The following KAZN variants were observed in gnomAD, a reference collection of about 807,000 sequenced individuals.
KAZN encodes kazrin, periplakin interacting protein.
A neutral mutation model predicts 87.4 loss-of-function variants in KAZN; 40 were observed. The ratio of observed to expected loss-of-function variants is 0.46; its 90% CI spans 0.36 to 0.60. KAZN has a LOEUF of 0.60. Ranked by LOEUF, KAZN falls within the 20% of genes least tolerant of loss-of-function variation. KAZN has a pLI of 0.00. For missense variants in KAZN, 898 were observed against 1,073.9 expected, an observed-to-expected ratio of 0.84 and a Z score of 2.29; for synonymous variants, 466 against 458.3, an observed-to-expected ratio of 1.02 and a Z score of -0.22.
At chr1:14,409,777 C>G (rs755227019) in intron 2 of KAZN, among the ~76,000 whole-genome samples, 3 of 152,160 alleles carry the variant, frequency 2.0e-5, no homozygotes, top group Non-Finnish European at 2.9e-5. Context: ...GGACTAGACG[C>G]TCCCTTCAAA....
At chr1:14,417,974 C>A (rs569617147) in intron 2 of KAZN, among the ~76,000 whole-genome samples, 1 of 110,724 alleles carries the variant, frequency 9.0e-6, no homozygotes, top group African/African-American at 3.5e-5. Context: ...CCAGGCTGGG[C>A]GACAGAGTGA....
chr1:14,614,922 C>T (rs1678107695), intron 1 of KAZN, among the ~76,000 whole-genome samples: 1 of 152,210 alleles, frequency 6.6e-6, no homozygotes. Flanking sequence ...GTGAGGCGGG[C>T]AAGTTGCTTT....
intron 1 of KAZN, among the ~76,000 whole-genome samples, chr1:14,138,393 T>C (rs1054077905): frequency 2.6e-5 from 4 of 152,168 alleles, no homozygotes; most frequent in Non-Finnish European, 5.9e-5. Context: ...CTGTTCCTTC[T>C]ATGGTTCACT....
At chr1:14,930,929 C>T (rs958007479) in intron 1 of KAZN, among the ~76,000 whole-genome samples, 15 of 152,114 alleles carry the variant, frequency 9.9e-5, no homozygotes, top group Non-Finnish European at 1.0e-4. Context: ...CACCCCAGCC[C>T]GAAGCCAGAG....
intron 1 of KAZN, among the ~76,000 whole-genome samples, chr1:14,663,520 A>T (rs1639325064): frequency 6.6e-6 from 1 of 152,180 alleles, no homozygotes; most frequent in African/African-American, 2.4e-5. Context: ...CATATTTTGG[A>T]GCAGAGTTTG....
intron 2 of KAZN, among the ~76,000 whole-genome samples, chr1:14,493,000 TCTGCCTGGACA>T: frequency 5.1e-5 from 1 of 19,460 alleles, no homozygotes; most frequent in Non-Finnish European, 1.2e-4. Context: ...GGCTGTTCCC[TCTGCCTGGACA>T]TTCTTCCCTA....
chr1:14,133,946 T>C (rs1645051862), intron 1 of KAZN, among the ~76,000 whole-genome samples: 1 of 152,152 alleles, frequency 6.6e-6, no homozygotes. Flanking sequence ...GAGTGGACGT[T>C]TCATCATAGG....
intron 1 of KAZN, among the ~76,000 whole-genome samples, chr1:14,041,085 C>T (rs35642873): frequency 0.17 from 26,550 of 152,180 alleles, 2,717 homozygotes; most frequent in Non-Finnish European, 0.24. Context: ...AAGCAACCAC[C>T]GCTGAATTCT....
At chr1:14,065,482 T>C (rs1434551480) in intron 1 of KAZN, among the ~76,000 whole-genome samples, 2 of 152,186 alleles carry the variant, frequency 1.3e-5, no homozygotes, top group Non-Finnish European at 2.9e-5. Context: ...TTGAATCTTT[T>C]GTTTTTCTTT....
chr1:14,960,839 G>T lies in KAZN; in HGVS notation c.382G>T (p.Glu128Ter). ...GCTCAGGGTCCAGCTGGCCCAGAAG[G>T]AGCAGGAGCTAGCCAGAGCCAAAGA... The part of the protein sequence containing the change: ...TELRVQLAQK[E>*]QELARAKEAL... The change falls in exon 2 of 15, where the codon GAG becomes TAG. Residue 128 changes from glutamate to a stop codon, truncating the protein, a stop_gained. Coordinates refer to ENST00000376030, the MANE Select transcript of KAZN (RefSeq NM_201628.3). LOFTEE classifies it high-confidence loss of function. 1 of 1,612,444 alleles carries T rather than the reference G, an allele frequency of 6.2e-7. No individual in the cohort carries two copies. Among genetic ancestry groups the T allele is most frequent in the Non-Finnish European group, 8.5e-7 (1 of 1,179,496 alleles).
At chr1:14,321,899 C>A (rs1656075468) in intron 2 of KAZN, among the ~76,000 whole-genome samples, 1 of 152,140 alleles carries the variant, frequency 6.6e-6, no homozygotes, top group African/African-American at 2.4e-5. Context: ...AGAGCTTACC[C>A]ATGGACTTCC....
intron 1 of KAZN, among the ~76,000 whole-genome samples, chr1:14,021,371 G>A (rs769638623): frequency 1.3e-5 from 2 of 152,210 alleles, no homozygotes; most frequent in African/African-American, 4.8e-5. Context: ...GAGACCATAA[G>A]CAGACCTATA....
At chr1:14,069,507 T>G (rs74057012) in intron 1 of KAZN, among the ~76,000 whole-genome samples, 2,819 of 152,298 alleles carry the variant, frequency 0.019, 86 homozygotes, top group African/African-American at 0.063. Context: ...TATCAAGTCA[T>G]CTTTTCTGTA....
At chr1:14,171,010 C>A (rs1227601108) in intron 1 of KAZN, among the ~76,000 whole-genome samples, 3 of 152,194 alleles carry the variant, frequency 2.0e-5, no homozygotes, top group East Asian at 3.9e-4. Context: ...CCGCTCCTGG[C>A]CCTCTGTACA....
chr1:15,058,089 G>A (rs753579252), intron 5 of KAZN, among the ~76,000 whole-genome samples: 5 of 152,208 alleles, frequency 3.3e-5, no homozygotes, highest in African/African-American at 7.2e-5. Context: ...GTAAAGTTGG[G>A]TGCTCACCTG....
chr1:14,643,675 G>GTA (rs1680580349), intron 1 of KAZN, among the ~76,000 whole-genome samples: 1 of 152,106 alleles, frequency 6.6e-6, no homozygotes, highest in South Asian at 2.1e-4. Context: ...ATTCCTCTGG[G>GTA]TATATACCCA....
chr1:14,953,781 C>G (rs956244348), intron 1 of KAZN, among the ~76,000 whole-genome samples: 1 of 152,066 alleles, frequency 6.6e-6, no homozygotes, highest in Non-Finnish European at 1.5e-5. Flanking sequence ...TGCTGTAGCT[C>G]TAGCCATTGA....
At chr1:14,524,035 T>C (rs1671731732) in intron 2 of KAZN, among the ~76,000 whole-genome samples, 3 of 145,424 alleles carry the variant, frequency 2.1e-5, no homozygotes, top group Admixed American at 1.4e-4. Flanking sequence ...TTGTTTTGTT[T>C]TTATGAGACA....
chr1:13,920,385 C>T (rs1640018639), intron 1 of KAZN, among the ~76,000 whole-genome samples: 1 of 152,136 alleles, frequency 6.6e-6, no homozygotes, highest in Non-Finnish European at 1.5e-5. Flanking sequence ...CCTGTACTCA[C>T]ACCATACTGT....
Sources: gnomAD v4.1 joint callset for allele counts (sites outside exome capture counted in the v4.1 genomes callset) on GRCh38, gnomAD v4.1.1 for gene constraint, MANE v1.5 for transcripts, NCBI Gene and HGNC (gene_info 2026-07-23, HGNC 2026-07-21) for gene names.